Variants in PLXND1 observed in about 807,000 individuals in gnomAD.
The protein encoded by PLXND1 is plexin D1.
A neutral mutation model predicts 197.7 loss-of-function variants in PLXND1; 54 were observed. That is an observed-to-expected ratio of 0.27 (90% CI 0.22 to 0.34). PLXND1 has a LOEUF of 0.34. PLXND1 is among the 10% of genes least tolerant of loss of function. The probability of loss-of-function intolerance (pLI) is 1.00; values close to 1 mark genes in which losing one functional copy is unlikely to be tolerated. For synonymous variants in PLXND1, 1,180 were observed against 1,161.2 expected, an observed-to-expected ratio of 1.02 and a Z score of -0.33; for missense variants, 2,127 against 2,699.2, an observed-to-expected ratio of 0.79 and a Z score of 4.70.
chr3:129,570,988 A>G (rs2244962), intron 18 of PLXND1, 52 bp downstream of exon 18: 573,132 of 1,612,954 alleles, frequency 0.36, 109,250 homozygotes, highest in East Asian at 0.71. Flanking sequence ...CGAGGCCCAC[A>G]GCTGAGGCTG....
At position 129,558,504 on chromosome 3, in the gene PLXND1, T is replaced by C; in HGVS notation, c.5369A>G (p.His1790Arg). ...QFVFDIDKTD[H>R]IDACLSVIAQ... ...GATGACTGAAAGGCAGGCGTCGATG[T>C]GGTCTGTCTTGTCGATGTCAAAGAC... is the stretch of plus-strand genomic sequence containing the variant. Residue 1790 changes from histidine (H) to arginine (R), a missense_variant, in exon 33 of 36, where the codon CAC becomes CGC. This residue lies in a region of PLXND1 where 200 missense variants were observed against 303.3 expected (regional missense o/e 0.66). Coordinates refer to ENST00000324093, the MANE Select transcript of PLXND1 (RefSeq NM_015103.3). This position sits in a 1 kb window ranked among gnomAD's most constrained non-coding sequence, Gnocchi z 4.1. 2 of 1,614,010 alleles carry C rather than the reference T, an allele frequency of 1.2e-6. No individual in the cohort carries two copies. Among genetic ancestry groups the C allele is most frequent in the Non-Finnish European group, 1.7e-6 (2 of 1,179,970 alleles).
intron 25 of PLXND1, among the ~76,000 whole-genome samples, chr3:129,564,054 G>T (rs1317594397): frequency 6.6e-6 from 1 of 152,238 alleles, no homozygotes; most frequent in African/African-American, 2.4e-5. Flanking sequence ...GCCACAGAAA[G>T]AAGCCAGGGG....
chr3:129,571,091 C>T lies in PLXND1; in HGVS notation c.3549G>A (p.Arg1183=). Residue 1183 remains arginine, a synonymous_variant, in exon 18 of 36, where the codon AGG becomes AGA. Transcript: ENST00000324093. ...CGGGGTGGTGCTTGATCCACTTCTC[C>T]CTCTTGGCCGTAGAGAACTGTGGGT... is the stretch of plus-strand genomic sequence containing the variant. The part of the protein sequence containing the change: ...LPNPQFSTAK[R]EKWIKHHPGE... 1 of 1,614,210 alleles carries T rather than the reference C, an allele frequency of 6.2e-7. No homozygotes were observed. The highest frequency in any genetic ancestry group is 8.5e-7 in the Non-Finnish European group (1 of 1,180,028).
At chr3:129,566,698 C>A in intron 22 of PLXND1, 67 bp from the exon 23 acceptor site, 1 of 986,416 alleles carries the variant, frequency 1.0e-6, no homozygotes, top group South Asian at 1.5e-5. Context: ...AAAGGTCACT[C>A]ACACAGAAAG....
chr3:129,566,483 T>G (rs1373126388), intron 23 of PLXND1, 44 bp downstream of exon 23: 1 of 1,159,442 alleles, frequency 8.6e-7, no homozygotes, highest in Non-Finnish European at 1.3e-6. Flanking sequence ...GGGAGCAGGG[T>G]TGCCCTGAAG....
chr3:129,567,469 G>T, intron 22 of PLXND1, 23 bp downstream of exon 22: 1 of 1,411,318 alleles, frequency 7.1e-7, no homozygotes, highest in Non-Finnish European at 9.9e-7. Context: ...ACAGGTTCAG[G>T]GCAGGCTCAG....
rs553802730 is a variant in PLXND1, at chr3:129,585,490, T to C, written c.1851+462A>G. Among the ~76,000 whole-genome samples the C allele has an allele frequency of 2.6e-5, 4 of 152,284 alleles. No individual in the cohort carries two copies. The South Asian group carries it at 6.2e-4, about 24-fold the overall frequency. On this transcript the variant is annotated intron_variant, in intron 5 of 35. Coordinates refer to ENST00000324093, the MANE Select transcript of PLXND1 (RefSeq NM_015103.3). ...TTATCTGTTTCTGAGAAGGAGAAAT[T>C]TCAGTCTGGCACCTGGTGGTCCCTC...
chr3:129,599,485 G>A lies in PLXND1; in HGVS notation c.1311+5844C>T, dbSNP rs568915225. The stretch of plus-strand genomic sequence containing the variant: ...GGCTGTGGAAGGCCTCACTGTGGGC[G>A]TATCCAGGGCGCTGACAGATCCCCC... On this transcript the variant is annotated intron_variant, in intron 1 of 35. Transcript: ENST00000324093. 6.8e-4 allele frequency among the ~76,000 whole-genome samples: 104 copies of A among 152,348 alleles called. 1 individual carries two copies. The highest frequency in any genetic ancestry group is 2.5e-3 in the African/African-American group (102 of 41,576).
rs982983399 is a variant in PLXND1 at position 129,577,629 on chromosome 3, G to A, written c.2346+700C>T. 6.6e-6 allele frequency among the ~76,000 whole-genome samples: 1 copy of A among 152,156 alleles called. No homozygotes were observed. The highest frequency in any genetic ancestry group is 2.4e-5 in the African/African-American group (1 of 41,442). On this transcript the variant is annotated intron_variant, in intron 9 of 35. Coordinates refer to ENST00000324093, the MANE Select transcript of PLXND1 (RefSeq NM_015103.3). This position sits in a 1 kb window ranked among gnomAD's most constrained non-coding sequence, Gnocchi z 5.0. ...GTAACAGATGGCGAGTTCCAGGGAGGTGGGGAGGGGGGTGGCTGGCACGCC... is the reference window on the plus strand; with the variant it reads ...GTAACAGATGGCGAGTTCCAGGGAGATGGGGAGGGGGGTGGCTGGCACGCC...
At chr3:129,568,115 C>T (rs1251836521) in intron 20 of PLXND1, among the ~76,000 whole-genome samples, 1 of 151,956 alleles carries the variant, frequency 6.6e-6, no homozygotes, top group Admixed American at 6.6e-5. Flanking sequence ...AACAGGAATA[C>T]GTGTGTGTGA....
chr3:129,581,123 C>T (rs2085381958), intron 8 of PLXND1, among the ~76,000 whole-genome samples: 1 of 152,198 alleles, frequency 6.6e-6, no homozygotes, highest in African/African-American at 2.4e-5. Flanking sequence ...CCCAGGGACA[C>T]TTCTCCCGGC....
rs532708409 is a variant in PLXND1, at chr3:129,574,513, G to A, written c.2531-23C>T. The A allele has an allele frequency of 1.5e-5, 24 of 1,607,546 alleles. No individual in the cohort carries two copies. In the East Asian group the frequency reaches 1.6e-4, roughly 10 times the overall value. ...TGACTGGGGAGACACGGGGCAGCTC[G>A]GTCAGCCCCGCTCTGCGGTGCATGC... is the stretch of plus-strand genomic sequence containing the variant. On this transcript the variant is annotated intron_variant, in intron 11 of 35. Coordinates refer to ENST00000324093, the MANE Select transcript of PLXND1 (RefSeq NM_015103.3).
Position 129,563,732 on chromosome 3 carries a change from G to C in PLXND1, c.4522-492C>G, listed in dbSNP as rs372389262. Among the ~76,000 whole-genome samples the C allele has an allele frequency of 1.9e-4, 29 of 152,220 alleles. 2 individuals are homozygous for C. Among genetic ancestry groups the C allele is most frequent in the Admixed American group, 1.4e-3 (22 of 15,288 alleles). On this transcript the variant is annotated intron_variant, in intron 25 of 35. Coordinates refer to ENST00000324093, the MANE Select transcript of PLXND1 (RefSeq NM_015103.3). ...AGGAGGAATGGGGCTCAATGTCCCT[G>C]CTCTTGCCCATCTCCAAGGGTGGCC...
Position 129,562,953 on chromosome 3 carries a change from G to A in PLXND1, c.4669-10C>T, listed in dbSNP as rs766656249. ...AGGACACGTTCAGGTTCTGCAGGGG[G>A]AGAGTGGGAGAGAAAGGTCAGTGAG... On this transcript the variant is annotated splice_polypyrimidine_tract_variant and intron_variant, in intron 26 of 35. Transcript: ENST00000324093. 2 of 1,602,496 alleles carry A rather than the reference G, an allele frequency of 1.2e-6. No individual in the cohort carries two copies. Among genetic ancestry groups the A allele is most frequent in the Non-Finnish European group, 8.5e-7 (1 of 1,170,256 alleles).
chr3:129,571,092 C>G lies in PLXND1; in HGVS notation c.3548G>C (p.Arg1183Thr), dbSNP rs1350095945. The change falls in exon 18 of 36, where the codon AGG (arginine) becomes ACG (threonine). Residue 1183 changes from arginine to threonine, a missense_variant. Coordinates refer to ENST00000324093, the MANE Select transcript of PLXND1 (RefSeq NM_015103.3). ...LPNPQFSTAK[R>T]EKWIKHHPGE... ...GGGGTGGTGCTTGATCCACTTCTCCCTCTTGGCCGTAGAGAACTGTGGGTT... is the reference window on the plus strand; with the variant it reads ...GGGGTGGTGCTTGATCCACTTCTCCGTCTTGGCCGTAGAGAACTGTGGGTT... 65 of 1,614,090 alleles carry G rather than the reference C, an allele frequency of 4.0e-5. No individual in the cohort carries two copies. In the Admixed American group the frequency reaches 1.1e-3, roughly 26 times the overall value.
chr3:129,556,901 C>T (rs1186793078), intron 34 of PLXND1, 182 bp downstream of exon 34: 7 of 740,806 alleles, frequency 9.4e-6, no homozygotes, highest in Non-Finnish European at 1.5e-5. Context: ...CTCTCCTGCC[C>T]CCGCTCCTCA....
At chr3:129,585,273 G>C (rs1031225851) in intron 5 of PLXND1, among the ~76,000 whole-genome samples, 3 of 152,198 alleles carry the variant, frequency 2.0e-5, no homozygotes, top group Non-Finnish European at 4.4e-5. Context: ...CGGGCTGTCA[G>C]AGCCCCCCAG....
At chr3:129,586,498 C>T (rs980736875) in intron 3 of PLXND1, 90 bp downstream of exon 3, 17 of 1,460,188 alleles carry the variant, frequency 1.2e-5, no homozygotes, top group Middle Eastern at 1.8e-4. Flanking sequence ...GGAGGGTGCT[C>T]CCAGCAGAGG....
chr3:129,594,356 C>G (rs947568116), intron 1 of PLXND1, among the ~76,000 whole-genome samples: 1 of 152,152 alleles, frequency 6.6e-6, no homozygotes, highest in African/African-American at 2.4e-5. Flanking sequence ...CCATGGCTCA[C>G]GCCTGTAATC....
Sources: allele counts gnomAD v4.1 joint callset (sites outside exome capture counted in the v4.1 genomes callset), GRCh38; gene constraint gnomAD v4.1.1; regional missense constraint gnomAD v4.1.1; non-coding constraint Gnocchi (gnomAD v3.1); transcripts MANE v1.5; gene names NCBI Gene and HGNC (gene_info 2026-07-23, HGNC 2026-07-21).